The following TF variants were observed in gnomAD, a reference collection of about 807,000 sequenced individuals.
TF encodes transferrin.
In TF, 55 loss-of-function variants were observed where a neutral mutation model predicts 82.4. The observed-to-expected ratio is 0.67, with a 90% CI of 0.54 to 0.84. The LOEUF is 0.84. Among genes scored for constraint, TF ranks in the 40% least tolerant of loss-of-function variants. TF has a pLI of 0.00. For missense variants in TF, 737 were observed against 868.4 expected (o/e 0.85, Z 1.90); for synonymous variants, 332 against 332.6 (o/e 1.00, Z 0.02).
the TF span, among the ~76,000 whole-genome samples, chr3:133,671,491 A>AT: frequency 6.6e-6 from 1 of 152,134 alleles, no homozygotes; most frequent in Non-Finnish European, 1.5e-5. Flanking sequence ...AAGAAAAAAA[A>AT]AGGCAAGAGA....
chr3:133,787,703 C>G lies in TF; in HGVS notation c.*9083C>G, dbSNP rs553446121. 1 of 152,236 alleles carries G rather than the reference C, an allele frequency of 6.6e-6. No homozygotes were observed. The highest frequency in any genetic ancestry group is 2.4e-5 in the African/African-American group (1 of 41,552). The allele number at this position is 152,236 out of a possible 1,614,324, so 9.4% of individuals were successfully genotyped here. A position where few individuals can be genotyped will look rare whatever the true frequency, so the allele number is the denominator to read the frequency against. ...ACAAAAGATGTTTTGCTATTGTGTACTAGAAAATTTCAGTTTATCCATTGC... is the reference window on the plus strand; with the variant it reads ...ACAAAAGATGTTTTGCTATTGTGTAGTAGAAAATTTCAGTTTATCCATTGC... On this transcript the variant is annotated 3_prime_UTR_variant, in exon 17 of 17. Coordinates refer to ENST00000402696, the MANE Select transcript of TF (RefSeq NM_001063.4).
the TF span, among the ~76,000 whole-genome samples, chr3:133,730,295 T>G: frequency 4.9e-4 from 75 of 152,354 alleles, no homozygotes; most frequent in Middle Eastern, 3.4e-3. Context: ...AATGGCATTT[T>G]CACATCAAGT....
At chr3:133,776,921 C>T (rs767080084) in intron 15 of TF, 128 bp from the exon 16 acceptor site, 50 of 842,610 alleles carry the variant, frequency 5.9e-5, no homozygotes, top group Non-Finnish European at 8.8e-5. Context: ...GTGGAAAATT[C>T]CCAAGACATA....
chr3:133,730,271 T>A, the TF span, among the ~76,000 whole-genome samples: 2 of 152,208 alleles, frequency 1.3e-5, no homozygotes, highest in Non-Finnish European at 2.9e-5. Context: ...GGACAGGACC[T>A]CACTCCTTCT....
At chr3:133,733,578 T>C in the TF span, among the ~76,000 whole-genome samples, 1 of 152,164 alleles carries the variant, frequency 6.6e-6, no homozygotes, top group Non-Finnish European at 1.5e-5. Context: ...AATATGGTGA[T>C]GAGAAAAGGG....
At position 133,757,852 on chromosome 3, in the gene TF, CCACGGG is replaced by C; in HGVS notation, c.955_960del (p.His319_Gly320del). On this transcript the variant is annotated inframe_deletion, in exon 8 of 17. Coordinates refer to ENST00000402696, the MANE Select transcript of TF (RefSeq NM_001063.4). Reference sequence around the variant, plus strand: ...AGGACCTGCTGTTTAAGGACTCTGCCCACGGGTTTTTAAAAGTCCCCCCCAGGATGG... The same window carrying C: ...AGGACCTGCTGTTTAAGGACTCTGCCTTTTTAAAAGTCCCCCCCAGGATGG... 1.2e-6 allele frequency: 2 copies of C among 1,614,186 alleles called. No homozygotes were observed. Among genetic ancestry groups the C allele is most frequent in the Non-Finnish European group, 8.5e-7 (1 of 1,180,020 alleles).
chr3:133,698,695 A>G, the TF span, among the ~76,000 whole-genome samples: 575 of 152,326 alleles, frequency 3.8e-3, 1 homozygote, highest in African/African-American at 0.013. Context: ...GTGTGACCGC[A>G]TCTTAACTAA....
At chr3:133,690,713 C>T in the TF span, among the ~76,000 whole-genome samples, 1 of 152,078 alleles carries the variant, frequency 6.6e-6, no homozygotes, top group East Asian at 1.9e-4. Flanking sequence ...TGTCTTTTTG[C>T]ATCTGTTATT....
At chr3:133,706,983 T>C in the TF span, among the ~76,000 whole-genome samples, 1 of 152,178 alleles carries the variant, frequency 6.6e-6, no homozygotes, top group Admixed American at 6.5e-5. Flanking sequence ...CAAACAATCT[T>C]CTATCTGCTA....
At chr3:133,664,555 C>T in the TF span, among the ~76,000 whole-genome samples, 251 of 152,218 alleles carry the variant, frequency 1.6e-3, 6 homozygotes, top group African/African-American at 5.8e-3. Context: ...CTCCTGACCT[C>T]GTGATCCACC....
chr3:133,737,354 G>A, the TF span, among the ~76,000 whole-genome samples: 2,717 of 152,250 alleles, frequency 0.018, 57 homozygotes, highest in South Asian at 0.092. Context: ...ATGCCCACAG[G>A]AGAAAGCAGG....
chr3:133,693,785 A>G, the TF span, among the ~76,000 whole-genome samples: 76,638 of 152,034 alleles, frequency 0.5, 19,926 homozygotes, highest in Non-Finnish European at 0.56. Flanking sequence ...AAGAAGGACT[A>G]TTTGGGTTTG....
the TF span, among the ~76,000 whole-genome samples, chr3:133,696,171 T>C: frequency 6.6e-6 from 1 of 152,116 alleles, no homozygotes; most frequent in Non-Finnish European, 1.5e-5. Context: ...ATGCCTGTAA[T>C]CTCAGCACTT....
chr3:133,722,046 A>AT, the TF span, among the ~76,000 whole-genome samples: 1 of 151,790 alleles, frequency 6.6e-6, no homozygotes, highest in Non-Finnish European at 1.5e-5. Context: ...AGCTCGGCTA[A>AT]TTTTTTTGTA....
In TF at chr3:133,756,956, C is replaced by T. The variant is rs902231111; in HGVS notation, c.817C>T (p.Arg273Ter). 8.1e-6 allele frequency: 13 copies of T among 1,613,996 alleles called. No individual in the cohort carries two copies. The highest frequency in any genetic ancestry group is 5.3e-5 in the African/African-American group (4 of 74,908). Residue 273 changes from arginine (R) to a stop codon, truncating the protein, a stop_gained, in exon 7 of 17, where the codon CGA becomes TGA. Transcript: ENST00000402696. LOFTEE classifies it high-confidence loss of function. ...AQVPSHTVVA[R>*]SMGGKEDLIW... ...GGTCCCTTCTCATACCGTCGTGGCC[C>T]GAAGTATGGGCGGCAAGGAGGACTT...
chr3:133,699,641 C>T, the TF span: 1 of 514,722 alleles, frequency 1.9e-6, no homozygotes, highest in African/African-American at 1.9e-5. Flanking sequence ...CACCTGCCAT[C>T]TTCCCCTCTG....
At chr3:133,750,662 C>T (rs771934762) in intron 2 of TF, among the ~76,000 whole-genome samples, 6 of 152,130 alleles carry the variant, frequency 3.9e-5, no homozygotes, top group Non-Finnish European at 7.3e-5. Flanking sequence ...GCTCCCTGAG[C>T]CCCCGAGGCA....
chr3:133,769,585 A>G (rs1267080129), intron 13 of TF, among the ~76,000 whole-genome samples: 1 of 152,240 alleles, frequency 6.6e-6, no homozygotes, highest in African/African-American at 2.4e-5. Flanking sequence ...TTAAATCAAT[A>G]TGTGGCACAA....
At chr3:133,686,473 T>C in the TF span, among the ~76,000 whole-genome samples, 2 of 152,124 alleles carry the variant, frequency 1.3e-5, no homozygotes, top group Non-Finnish European at 2.9e-5. Flanking sequence ...AATATCCAGA[T>C]TCTACAAAGA....
Sources: gnomAD v4.1 joint callset for allele counts (sites outside exome capture counted in the v4.1 genomes callset) on GRCh38, gnomAD v4.1.1 for gene constraint, MANE v1.5 for transcripts, NCBI Gene and HGNC (gene_info 2026-07-23, HGNC 2026-07-21) for gene names.